Variants in RNLS observed in about 807,000 individuals in gnomAD.
The protein encoded by RNLS is renalase.
A neutral mutation model predicts 39.8 loss-of-function variants in RNLS; 39 were observed. The ratio of observed to expected loss-of-function variants is 0.98; its 90% CI spans 0.76 to 1.28. The LOEUF (loss-of-function observed/expected upper bound fraction) is 1.28. Among genes scored for constraint, RNLS ranks in the 50% most tolerant of loss-of-function variants. The pLI is 0.00. For synonymous variants in RNLS, 147 were observed against 150.7 expected, an observed-to-expected ratio of 0.98 and a Z score of 0.18; for missense variants, 410 against 413.3, an observed-to-expected ratio of 0.99 and a Z score of 0.07.
the RNLS span, among the ~76,000 whole-genome samples, chr10:88,219,431 A>G: frequency 6.6e-6 from 1 of 152,208 alleles, no homozygotes; most frequent in Non-Finnish European, 1.5e-5. Flanking sequence ...GTGATTTCCT[A>G]TTAGCACTCA....
the RNLS span, among the ~76,000 whole-genome samples, chr10:88,247,079 G>A: frequency 6.6e-6 from 1 of 152,268 alleles, no homozygotes; most frequent in Non-Finnish European, 1.5e-5. Context: ...AAATCTTGGT[G>A]ACTTCAACAA....
chr10:88,452,361 C>T (rs1409745386), intron 4 of RNLS, among the ~76,000 whole-genome samples: 11 of 152,184 alleles, frequency 7.2e-5, no homozygotes, highest in Admixed American at 7.2e-4. Flanking sequence ...GGATCCATTA[C>T]TATAATCACA....
At chr10:88,317,565 T>C (rs1256605504) in intron 5 of RNLS, among the ~76,000 whole-genome samples, 2 of 152,246 alleles carry the variant, frequency 1.3e-5, no homozygotes, top group Non-Finnish European at 1.5e-5. Flanking sequence ...TTTTTGTGTG[T>C]GTTTCGTAAA....
intron 4 of RNLS, among the ~76,000 whole-genome samples, chr10:88,489,163 T>C (rs76159785): frequency 6.6e-6 from 1 of 152,324 alleles, no homozygotes; most frequent in Non-Finnish European, 1.5e-5. Context: ...GTGTTCTATA[T>C]GTGGAGAGGT....
At chr10:88,574,060 G>C (rs774218410) in intron 3 of RNLS, among the ~76,000 whole-genome samples, 1 of 152,140 alleles carries the variant, frequency 6.6e-6, no homozygotes, top group African/African-American at 2.4e-5. Context: ...AGAATCGCTT[G>C]AACTCGGGAG....
intron 4 of RNLS, among the ~76,000 whole-genome samples, chr10:88,424,739 T>A (rs1854624047): frequency 1.3e-5 from 2 of 152,050 alleles, no homozygotes; most frequent in African/African-American, 4.8e-5. Context: ...ACACGATGAC[T>A]AGATATAAAA....
intron 5 of RNLS, among the ~76,000 whole-genome samples, chr10:88,329,480 GT>G (rs145024113): frequency 0.14 from 21,250 of 151,540 alleles, 1,655 homozygotes; most frequent in East Asian, 0.33. Context: ...AAGATTTGAG[GT>G]TTTTTTTGGT....
the RNLS span, among the ~76,000 whole-genome samples, chr10:88,241,992 C>T: frequency 6.6e-6 from 1 of 152,122 alleles, no homozygotes; most frequent in African/African-American, 2.4e-5. Flanking sequence ...CCTCTATCAT[C>T]ATGTTTTATG....
intron 5 of RNLS, among the ~76,000 whole-genome samples, chr10:88,356,396 T>C (rs1197556153): frequency 1.3e-5 from 2 of 152,204 alleles, no homozygotes; most frequent in African/African-American, 4.8e-5. Flanking sequence ...CAATTTTGTG[T>C]TATAAAGTTC....
chr10:88,320,160 AAAAAAG>A (rs1846071188), intron 5 of RNLS, among the ~76,000 whole-genome samples: 1 of 152,048 alleles, frequency 6.6e-6, no homozygotes, highest in Admixed American at 6.6e-5. Context: ...AGGAAAAAAA[AAAAAAG>A]TCAGCCAAGA....
the RNLS span, among the ~76,000 whole-genome samples, chr10:88,252,298 A>G: frequency 3.3e-5 from 5 of 152,314 alleles, no homozygotes; most frequent in South Asian, 1.0e-3. Flanking sequence ...TGTTCTGACA[A>G]AAAACGCTGG....
the RNLS span, among the ~76,000 whole-genome samples, chr10:88,190,193 C>A: frequency 6.6e-6 from 1 of 152,228 alleles, no homozygotes; most frequent in Non-Finnish European, 1.5e-5. Flanking sequence ...GTTTTTGTCT[C>A]CCTAGATTTT....
the RNLS span, among the ~76,000 whole-genome samples, chr10:88,250,524 A>C: frequency 2.6e-5 from 4 of 152,218 alleles, no homozygotes; most frequent in South Asian, 8.3e-4. Flanking sequence ...ATGTCTACCA[A>C]GGCCACCCTG....
chr10:88,454,090 A>G (rs1373703553), intron 4 of RNLS, among the ~76,000 whole-genome samples: 1 of 152,224 alleles, frequency 6.6e-6, no homozygotes, highest in Non-Finnish European at 1.5e-5. Context: ...ATAGCTTATC[A>G]CAGAACCCTG....
chr10:88,377,908 C>T (rs892359574), intron 4 of RNLS, among the ~76,000 whole-genome samples: 1 of 152,090 alleles, frequency 6.6e-6, no homozygotes, highest in African/African-American at 2.4e-5. Context: ...TAGCTTAAAA[C>T]ACACATTGCA....
chr10:88,475,230 C>G (rs972758948), intron 4 of RNLS, among the ~76,000 whole-genome samples: 1 of 152,164 alleles, frequency 6.6e-6, no homozygotes, highest in Non-Finnish European at 1.5e-5. Context: ...TTCACCTGCT[C>G]CACACTTTAT....
the RNLS span, among the ~76,000 whole-genome samples, chr10:88,248,800 A>G: frequency 1.3e-5 from 2 of 152,174 alleles, no homozygotes; most frequent in African/African-American, 2.4e-5. Flanking sequence ...TGACCACCAC[A>G]ATTAACCTCT....
the RNLS span, among the ~76,000 whole-genome samples, chr10:88,217,818 T>C: frequency 1.4e-5 from 2 of 144,644 alleles, no homozygotes; most frequent in South Asian, 4.4e-4. Flanking sequence ...AGCGGGTGGA[T>C]CACCTGAGGT....
At chr10:88,419,378 A>ACTAGT (rs1185486037) in intron 4 of RNLS, among the ~76,000 whole-genome samples, 1 of 152,192 alleles carries the variant, frequency 6.6e-6, no homozygotes, top group African/African-American at 2.4e-5. Context: ...CTGCCAGAAG[A>ACTAGT]CTAGTCTATC....
Sources: gnomAD v4.1 joint callset for allele counts (sites outside exome capture counted in the v4.1 genomes callset) on GRCh38, gnomAD v4.1.1 for gene constraint, MANE v1.5 for transcripts, NCBI Gene and HGNC (gene_info 2026-07-23, HGNC 2026-07-21) for gene names.